The following TMEM273 variants were observed in gnomAD, a reference collection of about 807,000 sequenced individuals.
TMEM273 encodes transmembrane protein 273.
In TMEM273, 19 loss-of-function variants were observed where a neutral mutation model predicts 17.9. The observed-to-expected ratio is 1.06, with a 90% CI of 0.74 to 1.55. The LOEUF (loss-of-function observed/expected upper bound fraction) is 1.55, where lower values mean the gene tolerates loss of function less well. Among genes scored for constraint, TMEM273 ranks in the 40% most tolerant of loss-of-function variants. The probability of loss-of-function intolerance (pLI) is 0.00; values close to 1 mark genes in which losing one functional copy is unlikely to be tolerated. For missense variants in TMEM273, 194 were observed against 155.6 expected, an observed-to-expected ratio of 1.25 and a Z score of -1.31; for synonymous variants, 66 against 62.0, an observed-to-expected ratio of 1.07 and a Z score of -0.31.
intron 1 of TMEM273, among the ~76,000 whole-genome samples, chr10:49,173,491 C>T (rs943536117): frequency 6.6e-6 from 1 of 152,200 alleles, no homozygotes; most frequent in Non-Finnish European, 1.5e-5. Flanking sequence ...ATGCTTTTCC[C>T]TCGTCCCTGT....
At chr10:49,163,271 G>A (rs1212038107) in intron 5 of TMEM273, among the ~76,000 whole-genome samples, 1 of 151,780 alleles carries the variant, frequency 6.6e-6, no homozygotes, top group Non-Finnish European at 1.5e-5. Context: ...ATGTGGGTCT[G>A]GGTGTGTGAA....
intron 6 of TMEM273, among the ~76,000 whole-genome samples, chr10:49,158,720 G>A (rs1845664027): frequency 6.6e-6 from 1 of 152,136 alleles, no homozygotes; most frequent in Non-Finnish European, 1.5e-5. Flanking sequence ...CATTATAAAA[G>A]AGGCAAATGA....
intron 2 of TMEM273, 25 bp from the exon 3 acceptor site, chr10:49,167,034 A>C (rs780697759): frequency 1.2e-6 from 2 of 1,610,766 alleles, no homozygotes; most frequent in South Asian, 2.2e-5. Flanking sequence ...GGAATTGAAC[A>C]CCCGGTTTCA....
Position 49,155,921 on chromosome 10 carries a change from G to C in TMEM273, c.373-12C>G, listed in dbSNP as rs1374089275. On this transcript the variant is annotated splice_polypyrimidine_tract_variant and intron_variant, in intron 6 of 6. Coordinates refer to ENST00000374153, the MANE Select transcript of TMEM273 (RefSeq NM_001288740.3). ...TCACCTGTGCATCTCTGGAAAGGAA[G>C]AGAACCATCTGGAAGACTTATTGAG... 1 of 1,614,034 alleles carries C rather than the reference G, an allele frequency of 6.2e-7. No individual in the cohort carries two copies. The highest frequency in any genetic ancestry group is 2.2e-5 in the East Asian group (1 of 44,898).
intron 1 of TMEM273, among the ~76,000 whole-genome samples, chr10:49,179,128 C>T (rs540946464): frequency 1.1e-4 from 16 of 152,276 alleles, no homozygotes; most frequent in Middle Eastern, 3.4e-3. Context: ...GAACCATTAT[C>T]CAGTTATTTC....
intron 1 of TMEM273, among the ~76,000 whole-genome samples, chr10:49,181,396 G>T (rs1294962183): frequency 1.3e-5 from 2 of 152,184 alleles, no homozygotes; most frequent in African/African-American, 4.8e-5. Context: ...AAAGGAAAGA[G>T]AAATGCGAAA....
chr10:49,178,546 CA>C (rs1453639575), intron 1 of TMEM273: 1 of 307,116 alleles, frequency 3.3e-6, no homozygotes, highest in Non-Finnish European at 6.6e-6. Context: ...GACCAGGGAG[CA>C]GGAACAACAG....
At chr10:49,184,178 A>G (rs552948161) in intron 1 of TMEM273, among the ~76,000 whole-genome samples, 187 of 152,370 alleles carry the variant, frequency 1.2e-3, no homozygotes, top group Non-Finnish European at 2.2e-3. Context: ...TTTAGGCCGT[A>G]AATAAAAATA....
intron 5 of TMEM273, among the ~76,000 whole-genome samples, chr10:49,162,889 T>A (rs886689232): frequency 2.6e-5 from 4 of 152,190 alleles, no homozygotes; most frequent in African/African-American, 9.7e-5. Context: ...CATGGCCTCC[T>A]CATGTCCTCC....
intron 1 of TMEM273, among the ~76,000 whole-genome samples, chr10:49,168,178 T>A (rs1564630496): frequency 6.6e-6 from 1 of 152,118 alleles, no homozygotes; most frequent in Admixed American, 6.6e-5. Flanking sequence ...TGCACTTCAG[T>A]CAGCCGTTCA....
chr10:49,178,929 A>G (rs754011842), intron 1 of TMEM273, among the ~76,000 whole-genome samples: 5 of 152,220 alleles, frequency 3.3e-5, no homozygotes, highest in Non-Finnish European at 5.9e-5. Context: ...CCTCCAAGAC[A>G]GCCTGTGGGT....
At chr10:49,165,931 A>G (rs1054498762) in intron 3 of TMEM273, 135 bp from the exon 4 acceptor site, 30 of 1,129,460 alleles carry the variant, frequency 2.7e-5, no homozygotes, top group Non-Finnish European at 3.9e-5. Context: ...CCTGGCTGCT[A>G]TGTGATGAAG....
chr10:49,156,364 G>A (rs1228963857), intron 6 of TMEM273: 4 of 1,037,336 alleles, frequency 3.9e-6, no homozygotes, highest in South Asian at 1.5e-5. Flanking sequence ...TCTGTGCTTG[G>A]TGTACCAGCT....
chr10:49,157,080 A>G (rs1845556414), intron 6 of TMEM273, among the ~76,000 whole-genome samples: 1 of 152,156 alleles, frequency 6.6e-6, no homozygotes, highest in Non-Finnish European at 1.5e-5. Flanking sequence ...TCAGGTGTTG[A>G]TAAGGAAGGG....
intron 5 of TMEM273, among the ~76,000 whole-genome samples, chr10:49,164,366 C>A (rs1256279756): frequency 6.6e-6 from 1 of 152,208 alleles, no homozygotes; most frequent in Non-Finnish European, 1.5e-5. Flanking sequence ...TTGCCTCCAC[C>A]TGGACTTACT....
At chr10:49,168,372 A>C (rs1846333871) in intron 1 of TMEM273, among the ~76,000 whole-genome samples, 1 of 151,368 alleles carries the variant, frequency 6.6e-6, no homozygotes, top group African/African-American at 2.4e-5. Flanking sequence ...TTCCTCCTTT[A>C]CCTGGTCTTG....
chr10:49,180,942 G>A (rs1847304755), intron 1 of TMEM273, among the ~76,000 whole-genome samples: 1 of 152,114 alleles, frequency 6.6e-6, no homozygotes, highest in African/African-American at 2.4e-5. Flanking sequence ...AGGAAATAAA[G>A]GCATACTATT....
intron 1 of TMEM273, among the ~76,000 whole-genome samples, chr10:49,175,120 G>C (rs1292600923): frequency 6.6e-6 from 1 of 152,056 alleles, no homozygotes; most frequent in South Asian, 2.1e-4. Context: ...CCAGGCAGAG[G>C]ACAAGGTACA....
chr10:49,154,769 CAG>C lies in TMEM273; in HGVS notation c.*1121_*1122del, dbSNP rs1276454963. ...AAGATGGTTTATTTTATCCTACACA[CAG>C]AAAATTGCTTATGAGTATCACATTA... is the stretch of plus-strand genomic sequence containing the variant. On this transcript the variant is annotated 3_prime_UTR_variant, in exon 7 of 7. Coordinates refer to ENST00000374153, the MANE Select transcript of TMEM273 (RefSeq NM_001288740.3). 3 of 152,192 alleles carry C rather than the reference CAG, an allele frequency of 2.0e-5. No individual in the cohort carries two copies. The highest frequency in any genetic ancestry group is 7.2e-5 in the African/African-American group (3 of 41,436). The allele number at this position is 152,192 out of a possible 1,614,324, so 9.4% of individuals were successfully genotyped here. A position where few individuals can be genotyped will look rare whatever the true frequency, so the allele number is the denominator to read the frequency against.
Sources: gnomAD v4.1 joint callset for allele counts (sites outside exome capture counted in the v4.1 genomes callset) on GRCh38, gnomAD v4.1.1 for gene constraint, MANE v1.5 for transcripts, NCBI Gene and HGNC (gene_info 2026-07-23, HGNC 2026-07-21) for gene names.